AGBL3: variants seen among roughly 807,000 people sequenced by gnomAD.
The protein encoded by AGBL3 is AGBL carboxypeptidase 3.
AGBL3 carries 68 observed loss-of-function variants against 94.5 expected under a neutral mutation model. The ratio of observed to expected loss-of-function variants is 0.72; its 90% CI spans 0.59 to 0.88. The LOEUF is 0.88. Ranked by LOEUF, AGBL3 falls within the 40% of genes least tolerant of loss-of-function variation. AGBL3 has a pLI of 0.00. For synonymous variants in AGBL3, 354 were observed against 370.7 expected, an observed-to-expected ratio of 0.95 and a Z score of 0.52; for missense variants, 934 against 1,103.8, an observed-to-expected ratio of 0.85 and a Z score of 2.18.
chr7:135,103,677 T>A (rs536342606), intron 15 of AGBL3, among the ~76,000 whole-genome samples: 16 of 152,186 alleles, frequency 1.1e-4, no homozygotes, highest in Non-Finnish European at 1.6e-4. Flanking sequence ...AATAGATATC[T>A]GTAGTCACAT....
At chr7:135,096,558 A>AAGATAGATAGATAGAT (rs1167936702) in intron 15 of AGBL3, among the ~76,000 whole-genome samples, 20,485 of 78,836 alleles carry the variant, frequency 0.26, 2,509 homozygotes, top group East Asian at 0.34. Context: ...GAAAGAAAGA[A>AAGATAGATAGATAGAT]AGATAGATAG....
At chr7:135,060,477 C>T (rs1818730517) in intron 12 of AGBL3, among the ~76,000 whole-genome samples, 1 of 152,120 alleles carries the variant, frequency 6.6e-6, no homozygotes, top group Admixed American at 6.5e-5. Context: ...CACAATGATG[C>T]ATAATAGATC....
intron 11 of AGBL3, among the ~76,000 whole-genome samples, chr7:135,056,788 T>C (rs959271319): frequency 6.6e-5 from 10 of 152,132 alleles, no homozygotes; most frequent in Admixed American, 4.6e-4. Context: ...AGGAAGATGA[T>C]ATTGTTAAGA....
At chr7:135,112,746 C>A (rs779044172) in intron 15 of AGBL3, among the ~76,000 whole-genome samples, 3 of 152,108 alleles carry the variant, frequency 2.0e-5, no homozygotes, top group African/African-American at 4.8e-5. Flanking sequence ...AAAAATAGTG[C>A]CAGATACATA....
chr7:135,045,445 A>T (rs887778566), intron 9 of AGBL3, 29 bp from the exon 10 acceptor site: 5 of 1,518,864 alleles, frequency 3.3e-6, no homozygotes, highest in Non-Finnish European at 3.6e-6. Context: ...ACTTACCCTC[A>T]AGGGTGGATA....
intron 8 of AGBL3, among the ~76,000 whole-genome samples, chr7:135,039,184 A>T (rs1387355630): frequency 6.6e-6 from 1 of 152,196 alleles, no homozygotes; most frequent in Non-Finnish European, 1.5e-5. Flanking sequence ...ATACTAACAA[A>T]TTTAAAATAA....
rs184594947 is a variant in AGBL3, at chr7:135,108,080, C to T, written c.2111-7300C>T. On this transcript the variant is annotated intron_variant, in intron 15 of 16. Transcript: ENST00000436302. ...ATTTACTTGGTAGATTCTTCTCCATCCCTTTATTTTGAGCCTATGGGTGTC... is the reference window on the plus strand; with the variant it reads ...ATTTACTTGGTAGATTCTTCTCCATTCCTTTATTTTGAGCCTATGGGTGTC... 2.7e-4 allele frequency among the ~76,000 whole-genome samples: 41 copies of T among 152,180 alleles called. No individual in the cohort carries two copies. The East Asian group carries it at 7.1e-3, about 27-fold the overall frequency.
intron 15 of AGBL3, among the ~76,000 whole-genome samples, chr7:135,105,486 G>T (rs1379485800): frequency 2.0e-5 from 3 of 152,198 alleles, no homozygotes; most frequent in African/African-American, 7.2e-5. Context: ...TTATTGAATA[G>T]GGAATCTTTC....
intron 1 of AGBL3, among the ~76,000 whole-genome samples, chr7:134,987,646 T>G (rs1809638290): frequency 6.6e-6 from 1 of 152,244 alleles, no homozygotes; most frequent in Non-Finnish European, 1.5e-5. Flanking sequence ...TGGAAATTCC[T>G]TTTAATTAAA....
intron 3 of AGBL3, among the ~76,000 whole-genome samples, chr7:134,990,967 T>C (rs1375147455): frequency 1.3e-5 from 2 of 152,232 alleles, no homozygotes; most frequent in African/African-American, 4.8e-5. Flanking sequence ...TCCAGTTAGG[T>C]TGAAGCAATA....
At chr7:135,066,906 G>C in intron 12 of AGBL3, among the ~76,000 whole-genome samples, 1 of 152,220 alleles carries the variant, frequency 6.6e-6, no homozygotes. Context: ...AGTGGGTGCA[G>C]TGCACCGAGC....
chr7:135,056,252 G>T (rs1184927901), intron 11 of AGBL3, among the ~76,000 whole-genome samples: 5 of 151,954 alleles, frequency 3.3e-5, no homozygotes, highest in South Asian at 2.1e-4. Context: ...CAGTTTCTCT[G>T]ATTTTTAAAT....
At chr7:135,028,768 C>T (rs1815419302) in intron 5 of AGBL3, among the ~76,000 whole-genome samples, 1 of 152,178 alleles carries the variant, frequency 6.6e-6, no homozygotes, top group Non-Finnish European at 1.5e-5. Context: ...CCAGATCCAT[C>T]AGAGGAATAG....
intron 11 of AGBL3, among the ~76,000 whole-genome samples, chr7:135,046,412 C>T (rs1248317775): frequency 1.3e-5 from 2 of 152,050 alleles, no homozygotes; most frequent in African/African-American, 4.8e-5. Context: ...TATATGTATT[C>T]ACTATTATAG....
intron 4 of AGBL3, among the ~76,000 whole-genome samples, chr7:135,002,814 G>C (rs1325898013): frequency 6.6e-6 from 1 of 152,014 alleles, no homozygotes; most frequent in Admixed American, 6.6e-5. Context: ...TGTGTTTTTT[G>C]TTCATGTATT....
intron 15 of AGBL3, among the ~76,000 whole-genome samples, chr7:135,088,366 A>G (rs1274128517): frequency 1.3e-5 from 2 of 152,008 alleles, no homozygotes; most frequent in Non-Finnish European, 2.9e-5. Context: ...TGTTTTGTAC[A>G]TCCATTGATC....
In AGBL3 at chr7:135,017,158, T is replaced by C; in HGVS notation, c.417T>C (p.Asp139=). The C allele has an allele frequency of 6.6e-7, 1 of 1,521,126 alleles. No individual in the cohort carries two copies. The highest frequency in any genetic ancestry group is 8.9e-7 in the Non-Finnish European group (1 of 1,118,656). 94.2% of individuals were successfully genotyped at this position (1,521,126 alleles called of 1,614,324 possible). Residue 139 remains aspartate, a splice_region_variant and synonymous_variant, in exon 5 of 17, where the codon GAT becomes GAC. Transcript: ENST00000436302. ...KEATVVYLAE[D]AYKEPCFVYS... ...CTACTGTGGTTTATCTAGCTGAAGA[T>C]GGTGAGCACATAATGACACATGTTG... is the stretch of plus-strand genomic sequence containing the variant.
intron 15 of AGBL3, 150 bp downstream of exon 15, chr7:135,081,940 A>T: frequency 2.0e-6 from 1 of 491,604 alleles, no homozygotes; most frequent in Non-Finnish European, 3.6e-6. Flanking sequence ...AAACCAAAAC[A>T]AAAGAATATT....
intron 12 of AGBL3, among the ~76,000 whole-genome samples, chr7:135,061,959 A>C (rs904325316): frequency 6.6e-5 from 10 of 152,106 alleles, no homozygotes; most frequent in Admixed American, 3.9e-4. Context: ...GAATCTGTAG[A>C]TCACTTTGGG....
Sources: gnomAD v4.1 joint callset for allele counts (sites outside exome capture counted in the v4.1 genomes callset) on GRCh38, gnomAD v4.1.1 for gene constraint, MANE v1.5 for transcripts, NCBI Gene and HGNC (gene_info 2026-07-23, HGNC 2026-07-21) for gene names.